The following PDGFD variants were observed in gnomAD, a reference collection of about 807,000 sequenced individuals.
PDGFD encodes platelet-derived growth factor D.
In PDGFD, 30 loss-of-function variants were observed where a neutral mutation model predicts 44.7. That is an observed-to-expected ratio of 0.67 (90% CI 0.50 to 0.91). PDGFD has a LOEUF of 0.91. PDGFD is among the 40% of genes least tolerant of loss of function. The probability of loss-of-function intolerance (pLI) is 0.00; values close to 1 mark genes in which losing one functional copy is unlikely to be tolerated. For missense variants in PDGFD, 445 were observed against 457.8 expected (o/e 0.97, Z 0.25); for synonymous variants, 173 against 168.4 (o/e 1.03, Z -0.21).
At chr11:103,932,544 G>A (rs1265084066) in intron 5 of PDGFD, among the ~76,000 whole-genome samples, 1 of 152,194 alleles carries the variant, frequency 6.6e-6, no homozygotes, top group Non-Finnish European at 1.5e-5. Flanking sequence ...AACTAAAAAA[G>A]TTGTTGGAGG....
intron 1 of PDGFD, among the ~76,000 whole-genome samples, chr11:104,114,798 T>A (rs138283325): frequency 0.01 from 1,536 of 152,170 alleles, 26 homozygotes; most frequent in African/African-American, 0.035. Flanking sequence ...TTTCCTCATA[T>A]AGACCCCGTA....
At chr11:103,935,136 A>G (rs149549538) in intron 5 of PDGFD, among the ~76,000 whole-genome samples, 12 of 152,290 alleles carry the variant, frequency 7.9e-5, no homozygotes, top group Admixed American at 2.6e-4. Context: ...TCCACTGTCA[A>G]CTGGATTTTT....
intron 5 of PDGFD, among the ~76,000 whole-genome samples, chr11:103,937,700 C>T (rs1379592208): frequency 3.2e-4 from 32 of 100,788 alleles, no homozygotes; most frequent in African/African-American, 1.2e-3. Flanking sequence ...CTATCCCTCC[C>T]CCCTCCCCCC....
chr11:104,077,614 G>T (rs983441148), intron 1 of PDGFD, among the ~76,000 whole-genome samples: 2 of 152,038 alleles, frequency 1.3e-5, no homozygotes, highest in African/African-American at 2.4e-5. Flanking sequence ...ATGTACAGAG[G>T]AAGAAAATTT....
chr11:104,010,927 A>G (rs972202944), intron 1 of PDGFD, among the ~76,000 whole-genome samples: 2 of 152,102 alleles, frequency 1.3e-5, no homozygotes, highest in African/African-American at 4.8e-5. Context: ...AGACAACCAC[A>G]ATGACAAAAA....
intron 1 of PDGFD, among the ~76,000 whole-genome samples, chr11:104,019,962 C>T (rs1453569435): frequency 1.3e-5 from 2 of 151,598 alleles, no homozygotes; most frequent in Non-Finnish European, 2.9e-5. Context: ...GCGATAAGCA[C>T]CAAAAATAAA....
intron 1 of PDGFD, among the ~76,000 whole-genome samples, chr11:104,090,988 C>T (rs559172234): frequency 3.5e-4 from 53 of 152,112 alleles, no homozygotes; most frequent in Non-Finnish European, 4.3e-4. Context: ...TCTCAAAAGC[C>T]CCCCCATGCA....
chr11:104,109,336 C>T (rs1861517050), intron 1 of PDGFD, among the ~76,000 whole-genome samples: 1 of 152,090 alleles, frequency 6.6e-6, no homozygotes, highest in African/African-American at 2.4e-5. Context: ...TTTTCTAAGC[C>T]TCAGTCTCTT....
intron 1 of PDGFD, among the ~76,000 whole-genome samples, chr11:104,101,438 C>T (rs1321789314): frequency 3.3e-5 from 5 of 151,982 alleles, no homozygotes; most frequent in African/African-American, 1.2e-4. Flanking sequence ...AACCACTGCT[C>T]AATGAAATAA....
intron 1 of PDGFD, among the ~76,000 whole-genome samples, chr11:104,028,990 G>A (rs1037755607): frequency 1.3e-5 from 2 of 152,184 alleles, no homozygotes; most frequent in Non-Finnish European, 1.5e-5. Context: ...GGCCTCCAAC[G>A]ACTTCTGTGA....
At chr11:104,138,837 C>T (rs756815808) in intron 1 of PDGFD, among the ~76,000 whole-genome samples, 1 of 152,128 alleles carries the variant, frequency 6.6e-6, no homozygotes, top group African/African-American at 2.4e-5. Context: ...TCTTGGTTCA[C>T]TGAAACCTCC....
intron 1 of PDGFD, among the ~76,000 whole-genome samples, chr11:104,138,753 G>C (rs1300794086): frequency 6.6e-6 from 1 of 152,002 alleles, no homozygotes; most frequent in Admixed American, 6.6e-5. Flanking sequence ...TTAAACATAG[G>C]GTACAGTATG....
chr11:103,947,711 G>A lies in PDGFD; in HGVS notation c.524C>T (p.Pro175Leu). The part of the protein sequence containing the change: ...IYYSLLEDFQ[P>L]AAASETNWES... ...CCAGTTGGTCTCTGAAGCTGCTGCG[G>A]GTTGGAAATCTTCCTGGAAGGCAAA... The change falls in exon 4 of 7, where the codon CCC (proline) becomes CTC (leucine). Residue 175 changes from proline (P) to leucine (L), a missense_variant. Coordinates refer to ENST00000393158, the MANE Select transcript of PDGFD (RefSeq NM_025208.5). 3 of 1,613,412 alleles carry A rather than the reference G, an allele frequency of 1.9e-6. No homozygotes were observed. Among genetic ancestry groups the A allele is most frequent in the Non-Finnish European group, 2.5e-6 (3 of 1,179,500 alleles).
chr11:104,076,997 ATG>A (rs1860968843), intron 1 of PDGFD, among the ~76,000 whole-genome samples: 1 of 152,206 alleles, frequency 6.6e-6, no homozygotes, highest in Admixed American at 6.5e-5. Flanking sequence ...CATACAATAT[ATG>A]TGTTAATTGA....
chr11:103,918,046 A>T (rs1858154665), intron 6 of PDGFD, among the ~76,000 whole-genome samples: 1 of 152,236 alleles, frequency 6.6e-6, no homozygotes, highest in Non-Finnish European at 1.5e-5. Flanking sequence ...CACTCTGCTG[A>T]TGCAGAATGG....
chr11:104,002,006 G>T (rs1299090991), intron 1 of PDGFD, among the ~76,000 whole-genome samples: 1 of 152,196 alleles, frequency 6.6e-6, no homozygotes, highest in East Asian at 1.9e-4. Flanking sequence ...GGGAGACAGA[G>T]TCGTAGGAAA....
At chr11:104,036,958 C>T (rs1182882995) in intron 1 of PDGFD, 1 of 1,614,096 alleles carries the variant, frequency 6.2e-7, no homozygotes, top group Non-Finnish European at 8.5e-7. Context: ...CGAAGAGATC[C>T]AGATCATCCA....
At chr11:104,115,740 A>G (rs1861626793) in intron 1 of PDGFD, among the ~76,000 whole-genome samples, 1 of 151,976 alleles carries the variant, frequency 6.6e-6, no homozygotes, top group Non-Finnish European at 1.5e-5. Flanking sequence ...TTGTGGTAGT[A>G]AGCTGGTATC....
intron 4 of PDGFD, among the ~76,000 whole-genome samples, chr11:103,947,178 T>C (rs1858679214): frequency 6.6e-6 from 1 of 152,220 alleles, no homozygotes; most frequent in African/African-American, 2.4e-5. Flanking sequence ...TTATGTTTTA[T>C]ATCCAAGTAA....
Sources: gnomAD v4.1 joint callset for allele counts (sites outside exome capture counted in the v4.1 genomes callset) on GRCh38, gnomAD v4.1.1 for gene constraint, MANE v1.5 for transcripts, NCBI Gene and HGNC (gene_info 2026-07-23, HGNC 2026-07-21) for gene names.